The following EIF4G3 variants were observed in gnomAD, a reference collection of about 807,000 sequenced individuals.
EIF4G3 encodes eukaryotic translation initiation factor 4 gamma 3, also known as eIF-4-gamma 3.
A neutral mutation model predicts 186.4 loss-of-function variants in EIF4G3; 34 were observed. The ratio of observed to expected loss-of-function variants is 0.18; its 90% confidence interval spans 0.14 to 0.24. The LOEUF (loss-of-function observed/expected upper bound fraction) is 0.24, where lower values mean the gene tolerates loss of function less well. EIF4G3 is among the 10% of genes least tolerant of loss of function. EIF4G3 has a pLI of 1.00. For synonymous variants in EIF4G3, 673 were observed against 679.5 expected, an observed-to-expected ratio of 0.99 and a Z score of 0.15; for missense variants, 1,536 against 1,948.5, an observed-to-expected ratio of 0.79 and a Z score of 3.99.
intron 7 of EIF4G3, among the ~76,000 whole-genome samples, chr1:20,990,594 G>A (rs1045079710): frequency 1.6e-4 from 25 of 151,808 alleles, no homozygotes; most frequent in African/African-American, 6.0e-4. Context: ...GCTTGAACCC[G>A]GGAGGCAGAG....
At chr1:20,851,224 C>T (rs749229111) in intron 28 of EIF4G3, 34 bp downstream of exon 28, 4 of 1,598,236 alleles carry the variant, frequency 2.5e-6, no homozygotes, top group African/African-American at 1.3e-5. Flanking sequence ...AATTTAAAAC[C>T]CAAATCTGCA....
chr1:21,122,966 T>C (rs2096953625), intron 2 of EIF4G3, among the ~76,000 whole-genome samples: 1 of 152,162 alleles, frequency 6.6e-6, no homozygotes, highest in African/African-American at 2.4e-5. Context: ...GGAACATGAA[T>C]GTAAGGTTAA....
chr1:20,867,296 A>G (rs201178901), intron 20 of EIF4G3, among the ~76,000 whole-genome samples: 9 of 152,226 alleles, frequency 5.9e-5, no homozygotes, highest in East Asian at 5.8e-4. Context: ...ACAAAATCAG[A>G]AACTGAATCC....
chr1:20,991,780 G>T (rs1161394994), intron 7 of EIF4G3, among the ~76,000 whole-genome samples: 4 of 152,008 alleles, frequency 2.6e-5, no homozygotes, highest in Admixed American at 6.6e-5. Context: ...GGAGAGTCTT[G>T]GAAATGAGCA....
intron 4 of EIF4G3, among the ~76,000 whole-genome samples, chr1:21,027,502 G>C (rs997964932): frequency 1.3e-5 from 2 of 151,594 alleles, no homozygotes; most frequent in Non-Finnish European, 2.9e-5. Context: ...TGGTGGCACG[G>C]GCCTGTAGTC....
At chr1:21,030,600 G>A (rs2092652999) in intron 4 of EIF4G3, among the ~76,000 whole-genome samples, 1 of 152,246 alleles carries the variant, frequency 6.6e-6, no homozygotes, top group South Asian at 2.1e-4. Flanking sequence ...GTAGAGACCA[G>A]GTCCAGGCCA....
At chr1:21,020,825 T>C (rs1430281627) in intron 4 of EIF4G3, among the ~76,000 whole-genome samples, 2 of 152,208 alleles carry the variant, frequency 1.3e-5, no homozygotes, top group East Asian at 3.8e-4. Context: ...GTAAGCTTAA[T>C]GCAGAAACTT....
In EIF4G3 at chr1:21,031,108, C is replaced by A. The variant is rs192944645; in HGVS notation, c.-67+19758G>T. ...GGCTGAGGCAGGAGAATCACTTGAACCCAGGAGGTGTGGGCCGCAGTGAGC... is the reference window on the plus strand; with the variant it reads ...GGCTGAGGCAGGAGAATCACTTGAAACCAGGAGGTGTGGGCCGCAGTGAGC... On this transcript the variant is annotated intron_variant, in intron 4 of 36. Transcript: ENST00000602326. 1.8e-3 allele frequency among the ~76,000 whole-genome samples: 277 copies of A among 152,056 alleles called. 1 individual carries two copies. Among genetic ancestry groups the A allele is most frequent in the African/African-American group, 6.4e-3 (266 of 41,462 alleles).
At chr1:20,879,639 C>G (rs1026594749) in intron 19 of EIF4G3, 119 bp from the exon 20 acceptor site, 9 of 569,834 alleles carry the variant, frequency 1.6e-5, no homozygotes, top group Non-Finnish European at 2.4e-5. Context: ...TTAACAAGGA[C>G]TGTGAACTAG....
Position 20,942,348 on chromosome 1 carries a change from A to G in EIF4G3, c.824-18T>C. The G allele has an allele frequency of 6.5e-7, 1 of 1,534,636 alleles. No individual in the cohort carries two copies. Among genetic ancestry groups the G allele is most frequent in the Non-Finnish European group, 8.7e-7 (1 of 1,146,336 alleles). On this transcript the variant is annotated intron_variant, in intron 13 of 36. Coordinates refer to ENST00000602326, the MANE Select transcript of EIF4G3 (RefSeq NM_001391906.1). ...CTTCTCCTCTGGGGAAAAAAAAATAAGTTTTAAGAATAATTCTTGGATCAG... is the reference window on the plus strand; with the variant it reads ...CTTCTCCTCTGGGGAAAAAAAAATAGGTTTTAAGAATAATTCTTGGATCAG...
intron 12 of EIF4G3, among the ~76,000 whole-genome samples, chr1:20,957,462 T>C (rs770720987): frequency 6.7e-6 from 1 of 149,316 alleles, no homozygotes; most frequent in African/African-American, 2.5e-5. Context: ...GACAACCTAA[T>C]GTCATACCTC....
chr1:21,014,723 C>A (rs901841676), intron 4 of EIF4G3, among the ~76,000 whole-genome samples: 3 of 58,900 alleles, frequency 5.1e-5, no homozygotes, highest in African/African-American at 1.4e-4. Flanking sequence ...CAACCTCTGT[C>A]CCCTGGGTTC....
Position 20,970,835 on chromosome 1 carries a change from G to A in EIF4G3, c.592-1239C>T, listed in dbSNP as rs575609633. 6.6e-3 allele frequency among the ~76,000 whole-genome samples: 1,003 copies of A among 151,470 alleles called. 3 individuals are homozygous for A. Among genetic ancestry groups the A allele is most frequent in the Non-Finnish European group, 0.012 (785 of 67,856 alleles). On this transcript the variant is annotated intron_variant, in intron 11 of 36. Transcript: ENST00000602326. ...AAAAATTAGCTGGGTGCGGTGGCAG[G>A]CGCCTGTAATCCCAGCTACTTGGGA...
intron 2 of EIF4G3, among the ~76,000 whole-genome samples, chr1:21,144,146 G>A (rs185679107): frequency 8.5e-5 from 13 of 152,270 alleles, no homozygotes; most frequent in African/African-American, 2.9e-4. Flanking sequence ...AGCTCTGATA[G>A]TCCAAATAGA....
chr1:20,807,629 T>G (rs755435381), intron 36 of EIF4G3, 129 bp from the exon 37 acceptor site: 17 of 741,616 alleles, frequency 2.3e-5, no homozygotes, highest in Non-Finnish European at 3.1e-5. Flanking sequence ...ATAATGACAA[T>G]TCACCATACT....
intron 20 of EIF4G3, among the ~76,000 whole-genome samples, chr1:20,870,587 G>A (rs2078913196): frequency 6.6e-6 from 1 of 152,024 alleles, no homozygotes; most frequent in Non-Finnish European, 1.5e-5. Context: ...ATTCTAGAGG[G>A]GTTCTGAGAT....
At chr1:21,067,850 A>G (rs529175352) in intron 3 of EIF4G3, among the ~76,000 whole-genome samples, 58 of 152,158 alleles carry the variant, frequency 3.8e-4, no homozygotes, top group Non-Finnish European at 7.5e-4. Flanking sequence ...AAATAAAAAA[A>G]GAGGCCAGGC....
chr1:20,842,337 T>G (rs2068928924), intron 29 of EIF4G3, among the ~76,000 whole-genome samples: 1 of 152,230 alleles, frequency 6.6e-6, no homozygotes, highest in African/African-American at 2.4e-5. Flanking sequence ...TTGCCATTTT[T>G]GAAACATTCA....
intron 16 of EIF4G3, among the ~76,000 whole-genome samples, chr1:20,896,463 A>T (rs1302627229): frequency 1.3e-5 from 2 of 151,466 alleles, no homozygotes; most frequent in South Asian, 4.1e-4. Context: ...GAAAAAGAAA[A>T]AGAAAAAGGA....
Sources: allele counts gnomAD v4.1 joint callset (sites outside exome capture counted in the v4.1 genomes callset), GRCh38; gene constraint gnomAD v4.1.1; transcripts MANE v1.5; gene names NCBI Gene and HGNC (gene_info 2026-07-23, HGNC 2026-07-21).